The following SPECC1L variants were observed in gnomAD, a reference collection of about 807,000 sequenced individuals.
SPECC1L encodes cytospin-A.
In SPECC1L, 40 loss-of-function variants were observed where a neutral mutation model predicts 116.8. The observed-to-expected ratio is 0.34, with a 90% CI of 0.27 to 0.45. The LOEUF is 0.45. Ranked by LOEUF, SPECC1L falls within the 20% of genes least tolerant of loss-of-function variation. The pLI is 1.00. For missense variants in SPECC1L, 1,110 were observed against 1,373.6 expected (o/e 0.81, Z 3.03); for synonymous variants, 504 against 500.6 (o/e 1.01, Z -0.09).
intron 14 of SPECC1L, among the ~76,000 whole-genome samples, chr22:24,393,604 G>T (rs1471014436): frequency 6.6e-6 from 1 of 152,168 alleles, no homozygotes; most frequent in Non-Finnish European, 1.5e-5. Context: ...CTCTAAAACA[G>T]AGAGAGCCTG....
chr22:24,309,767 C>T (rs1274131119), intron 3 of SPECC1L, among the ~76,000 whole-genome samples: 4 of 152,232 alleles, frequency 2.6e-5, no homozygotes, highest in African/African-American at 7.2e-5. Context: ...AAAATACTAC[C>T]GTGGTGAAAA....
rs1225588529 is a variant in SPECC1L, at chr22:24,323,454, C to G, written c.1938+536C>G. Among the ~76,000 whole-genome samples the G allele has an allele frequency of 2.6e-5, 4 of 152,284 alleles. No homozygotes were observed. The South Asian group carries it at 8.3e-4, about 32-fold the overall frequency. On this transcript the variant is annotated intron_variant, in intron 5 of 16. Transcript: ENST00000314328. The stretch of plus-strand genomic sequence containing the variant: ...GCAGGGACCTTAGCAATTATCAGTC[C>G]AGACCCTTGTTGTACATGCCTCCAG...
intron 14 of SPECC1L, among the ~76,000 whole-genome samples, chr22:24,405,914 T>C (rs1441984203): frequency 2.0e-5 from 3 of 151,980 alleles, no homozygotes; most frequent in Non-Finnish European, 4.4e-5. Flanking sequence ...CGTCATCTTG[T>C]GTGGGCTGGG....
In SPECC1L at chr22:24,368,330, A is replaced by T. The variant is rs562351011; in HGVS notation, c.2985-888A>T. Among the ~76,000 whole-genome samples, 8 of 152,318 alleles carry T rather than the reference A, an allele frequency of 5.3e-5. No homozygotes were observed. The South Asian group carries it at 1.7e-3, about 32-fold the overall frequency. Reference sequence around the variant, plus strand: ...TACTGCCTGCACATTGCCTGGCACGATGGTGCTCCATAAGGAGATGTTGAA... The same window carrying T: ...TACTGCCTGCACATTGCCTGGCACGTTGGTGCTCCATAAGGAGATGTTGAA... On this transcript the variant is annotated intron_variant, in intron 13 of 16. Transcript: ENST00000314328.
intron 4 of SPECC1L, among the ~76,000 whole-genome samples, chr22:24,319,236 G>T (rs1431062462): frequency 6.6e-6 from 1 of 152,208 alleles, no homozygotes; most frequent in Non-Finnish European, 1.5e-5. Context: ...CAGGTCCACA[G>T]AGATGGGGAG....
chr22:24,303,857 G>A (rs1159424638), intron 3 of SPECC1L, among the ~76,000 whole-genome samples: 1 of 148,570 alleles, frequency 6.7e-6, no homozygotes, highest in African/African-American at 2.5e-5. Context: ...GTGTGTGTGT[G>A]TGTGTGTGTG....
intron 11 of SPECC1L, among the ~76,000 whole-genome samples, chr22:24,349,916 T>C (rs573574183): frequency 3.3e-5 from 5 of 152,296 alleles, no homozygotes; most frequent in Admixed American, 1.3e-4. Flanking sequence ...CCTGCTACTC[T>C]AGTCAAACCC....
intron 2 of SPECC1L, among the ~76,000 whole-genome samples, chr22:24,278,726 G>A (rs1255001926): frequency 6.6e-6 from 1 of 152,182 alleles, no homozygotes; most frequent in East Asian, 1.9e-4. Flanking sequence ...AGCTTTCTTA[G>A]TAGTATAAAT....
chr22:24,400,484 G>A (rs181406998), intron 14 of SPECC1L, among the ~76,000 whole-genome samples: 9 of 152,264 alleles, frequency 5.9e-5, no homozygotes, highest in African/African-American at 1.9e-4. Context: ...TGGGCATTTG[G>A]GTTGTTTCCA....
intron 10 of SPECC1L, among the ~76,000 whole-genome samples, chr22:24,341,991 G>A (rs2041186128): frequency 2.0e-5 from 3 of 152,192 alleles, no homozygotes; most frequent in Admixed American, 6.5e-5. Flanking sequence ...GCTAGACCTT[G>A]AACCAGAGGC....
intron 14 of SPECC1L, among the ~76,000 whole-genome samples, chr22:24,374,462 G>A (rs1415479488): frequency 6.6e-6 from 1 of 152,000 alleles, no homozygotes; most frequent in East Asian, 1.9e-4. Flanking sequence ...ATGAGTTCAT[G>A]TCCTTTGTAG....
At chr22:24,305,889 C>T (rs750299373) in intron 3 of SPECC1L, among the ~76,000 whole-genome samples, 3 of 151,022 alleles carry the variant, frequency 2.0e-5, no homozygotes, top group Non-Finnish European at 4.4e-5. Flanking sequence ...TAATTTGCAT[C>T]GTTACCAGTA....
chr22:24,381,376 G>A (rs1345393755), intron 14 of SPECC1L, among the ~76,000 whole-genome samples: 1 of 152,178 alleles, frequency 6.6e-6, no homozygotes, highest in East Asian at 1.9e-4. Flanking sequence ...AAATATTTTA[G>A]TGCTGCCTGA....
At chr22:24,288,878 C>T (rs2049103085) in intron 2 of SPECC1L, among the ~76,000 whole-genome samples, 1 of 152,118 alleles carries the variant, frequency 6.6e-6, no homozygotes, top group Non-Finnish European at 1.5e-5. Flanking sequence ...CCTGCCTTGG[C>T]CTCCCAAAGT....
At position 24,327,277 on chromosome 22, in the gene SPECC1L, CAAA is replaced by C. The variant is rs58725731; in HGVS notation, c.2147-1546_2147-1544del. Among the ~76,000 whole-genome samples, 375 of 41,898 alleles carry C rather than the reference CAAA, an allele frequency of 9.0e-3. 8 individuals are homozygous for C. The South Asian group carries it at 0.17, about 19-fold the overall frequency. The allele number at this position is 41,898 out of a possible 152,430, so 27.5% of individuals were successfully genotyped here. ...TGGGCAACAGATTGAGACTCCGTCT[CAAA>C]AAAAAAAAAAAAAAAAAAAAAACAT... On this transcript the variant is annotated intron_variant, in intron 6 of 16. Coordinates refer to ENST00000314328, the MANE Select transcript of SPECC1L (RefSeq NM_015330.6).
At chr22:24,359,571 G>C (rs2041602700) in intron 11 of SPECC1L, among the ~76,000 whole-genome samples, 1 of 151,576 alleles carries the variant, frequency 6.6e-6, no homozygotes, top group Non-Finnish European at 1.5e-5. Context: ...CCTCACATTG[G>C]CTCCCCTTTG....
intron 4 of SPECC1L, among the ~76,000 whole-genome samples, chr22:24,317,702 A>G (rs1182533776): frequency 1.3e-5 from 2 of 151,798 alleles, no homozygotes; most frequent in Non-Finnish European, 2.9e-5. Flanking sequence ...GCTGCCCGGC[A>G]GAGATGCTCC....
At chr22:24,365,724 C>G in intron 13 of SPECC1L, 92 bp downstream of exon 13, 1 of 1,445,692 alleles carries the variant, frequency 6.9e-7, no homozygotes, top group Non-Finnish European at 9.7e-7. Flanking sequence ...GGCATTTGAG[C>G]ACTGTGATTT....
chr22:24,277,951 A>G (rs890577934), intron 2 of SPECC1L, among the ~76,000 whole-genome samples: 1 of 152,254 alleles, frequency 6.6e-6, no homozygotes, highest in Admixed American at 6.5e-5. Context: ...AAACACTTTG[A>G]GAAACTGCTA....
Sources: allele counts gnomAD v4.1 joint callset (sites outside exome capture counted in the v4.1 genomes callset), GRCh38; gene constraint gnomAD v4.1.1; transcripts MANE v1.5; gene names NCBI Gene and HGNC (gene_info 2026-07-23, HGNC 2026-07-21).